The following SWT1 variants were observed in gnomAD, a reference collection of about 807,000 sequenced individuals.
The protein encoded by SWT1 is transcriptional protein SWT1.
A neutral mutation model predicts 107.3 loss-of-function variants in SWT1; 33 were observed. That is an observed-to-expected ratio of 0.31 (90% CI 0.23 to 0.41). The LOEUF (loss-of-function observed/expected upper bound fraction) is 0.41, where lower values mean the gene tolerates loss of function less well. SWT1 is among the 10% of genes least tolerant of loss of function. The probability of loss-of-function intolerance (pLI) is 1.00; values close to 1 mark genes in which losing one functional copy is unlikely to be tolerated. For synonymous variants in SWT1, 345 were observed against 348.3 expected, an observed-to-expected ratio of 0.99 and a Z score of 0.11; for missense variants, 898 against 1,028.9, an observed-to-expected ratio of 0.87 and a Z score of 1.74.
chr1:185,253,596 A>C (rs1337252608), intron 16 of SWT1, among the ~76,000 whole-genome samples: 1 of 151,280 alleles, frequency 6.6e-6, no homozygotes, highest in Non-Finnish European at 1.5e-5. Context: ...TTGTTGGTGT[A>C]TAAGAATGCT....
At position 185,230,454 on chromosome 1, in the gene SWT1, C is replaced by G. The variant is rs572259124; in HGVS notation, c.2310-1123C>G. On this transcript the variant is annotated intron_variant, in intron 15 of 18. Transcript: ENST00000367500. ...CCCTGCCTTGTAGATGTATCACTCCCATCTCTGCCTTTTTCTTCACATGGA... is the reference window on the plus strand; with the variant it reads ...CCCTGCCTTGTAGATGTATCACTCCGATCTCTGCCTTTTTCTTCACATGGA... 2.0e-5 allele frequency among the ~76,000 whole-genome samples: 3 copies of G among 152,196 alleles called. No individual in the cohort carries two copies. The South Asian group carries it at 6.2e-4, about 32-fold the overall frequency.
At chr1:185,206,371 TGATTA>T (rs758910996) in intron 12 of SWT1, among the ~76,000 whole-genome samples, 1 of 152,210 alleles carries the variant, frequency 6.6e-6, no homozygotes, top group Non-Finnish European at 1.5e-5. Context: ...ATGTTTCCTC[TGATTA>T]GATGTATGTT....
chr1:185,245,553 C>T (rs1661547643), intron 16 of SWT1, among the ~76,000 whole-genome samples: 1 of 151,924 alleles, frequency 6.6e-6, no homozygotes, highest in African/African-American at 2.4e-5. Flanking sequence ...AGAAAAGAAC[C>T]AGTAACATAG....
intron 4 of SWT1, among the ~76,000 whole-genome samples, chr1:185,169,757 A>G (rs1420098320): frequency 1.3e-5 from 2 of 151,928 alleles, no homozygotes; most frequent in Admixed American, 6.6e-5. Flanking sequence ...CAGAACTTAA[A>G]TGCTAACTTC....
chr1:185,223,905 T>C (rs1007386383), intron 15 of SWT1, among the ~76,000 whole-genome samples: 1 of 152,150 alleles, frequency 6.6e-6, no homozygotes, highest in Non-Finnish European at 1.5e-5. Context: ...CGGTATTTGG[T>C]TTTTTGTTCC....
chr1:185,246,010 T>A (rs1218782751), intron 16 of SWT1, among the ~76,000 whole-genome samples: 1 of 152,028 alleles, frequency 6.6e-6, no homozygotes, highest in Non-Finnish European at 1.5e-5. Flanking sequence ...TCAGGTGATC[T>A]GCCCACCTCG....
In SWT1 at chr1:185,182,050, C is replaced by T; in HGVS notation, c.1131C>T (p.Ser377=). ...TTGACTTAGAAGATGATGTACATTCCTCCTCTGGTATACCCTATATGTTGA... is the reference window on the plus strand; with the variant it reads ...TTGACTTAGAAGATGATGTACATTCTTCCTCTGGTATACCCTATATGTTGA... The part of the protein sequence containing the change: ...MEIDLEDDVH[S]SSANNTSDRK... The change falls in exon 7 of 19, where the codon TCC becomes TCT. Residue 377 remains serine, a synonymous_variant. Transcript: ENST00000367500. 2 of 1,613,646 alleles carry T rather than the reference C, an allele frequency of 1.2e-6. No individual in the cohort carries two copies. The highest frequency in any genetic ancestry group is 1.1e-5 in the South Asian group (1 of 91,066).
intron 12 of SWT1, among the ~76,000 whole-genome samples, chr1:185,205,620 C>T (rs1185357558): frequency 6.6e-6 from 1 of 152,186 alleles, no homozygotes; most frequent in African/African-American, 2.4e-5. Context: ...CCTTCTGTCT[C>T]AGCCTCCCAT....
At chr1:185,201,003 G>A (rs1020917373) in intron 10 of SWT1, among the ~76,000 whole-genome samples, 6 of 152,128 alleles carry the variant, frequency 3.9e-5, no homozygotes, top group African/African-American at 7.2e-5. Context: ...GGGGCGCTGC[G>A]GTGGGCTTTG....
intron 4 of SWT1, chr1:185,171,630 G>A (rs547201482): frequency 3.9e-4 from 208 of 527,830 alleles, no homozygotes; most frequent in Non-Finnish European, 6.6e-4. Context: ...TCTATGGGGT[G>A]GGTGCAATCA....
intron 14 of SWT1, among the ~76,000 whole-genome samples, chr1:185,220,531 T>G (rs1659577812): frequency 6.6e-6 from 1 of 152,160 alleles, no homozygotes; most frequent in Non-Finnish European, 1.5e-5. Flanking sequence ...TTTTCCCCCT[T>G]CAGTTTGTCT....
chr1:185,242,565 A>C (rs1385251125), intron 16 of SWT1, among the ~76,000 whole-genome samples: 2 of 152,170 alleles, frequency 1.3e-5, no homozygotes, highest in East Asian at 1.9e-4. Context: ...GAGTGGACTT[A>C]GGTGTTAGTG....
chr1:185,276,739 G>T, intron 18 of SWT1, 71 bp downstream of exon 18: 2 of 708,674 alleles, frequency 2.8e-6, no homozygotes, highest in Non-Finnish European at 4.5e-6. Context: ...ACTTGGTGGT[G>T]GTGGTGGTGG....
intron 16 of SWT1, among the ~76,000 whole-genome samples, chr1:185,246,014 C>A (rs1661581080): frequency 6.6e-6 from 1 of 152,060 alleles, no homozygotes; most frequent in Non-Finnish European, 1.5e-5. Flanking sequence ...GTGATCTGCC[C>A]ACCTCGGCCT....
chr1:185,187,729 G>C (rs1656615933), intron 9 of SWT1, among the ~76,000 whole-genome samples: 2 of 152,066 alleles, frequency 1.3e-5, no homozygotes, highest in Non-Finnish European at 2.9e-5. Flanking sequence ...TTGTTGCCCA[G>C]GCTGGAGTGC....
intron 15 of SWT1, among the ~76,000 whole-genome samples, chr1:185,226,464 G>A (rs1660062964): frequency 6.6e-6 from 1 of 152,098 alleles, no homozygotes; most frequent in Non-Finnish European, 1.5e-5. Context: ...GGCTGGGCAT[G>A]GTGGGTCATG....
intron 13 of SWT1, among the ~76,000 whole-genome samples, chr1:185,211,958 A>T (rs1571516819): frequency 6.6e-6 from 1 of 152,180 alleles, no homozygotes; most frequent in Non-Finnish European, 1.5e-5. Flanking sequence ...TCGCAAGGAC[A>T]AAAAACCAAA....
At chr1:185,202,954 G>T (rs1345038092) in intron 11 of SWT1, among the ~76,000 whole-genome samples, 155 bp downstream of exon 11, 1 of 152,154 alleles carries the variant, frequency 6.6e-6, no homozygotes, top group Non-Finnish European at 1.5e-5. Context: ...ATAAATGGAA[G>T]TTATGATGGT....
At chr1:185,161,411 GA>G (rs1253370892) in intron 2 of SWT1, among the ~76,000 whole-genome samples, 1 of 152,092 alleles carries the variant, frequency 6.6e-6, no homozygotes, top group Non-Finnish European at 1.5e-5. Flanking sequence ...ACTACCTTAA[GA>G]AGTGTTTTGG....
Sources: gnomAD v4.1 joint callset for allele counts (sites outside exome capture counted in the v4.1 genomes callset) on GRCh38, gnomAD v4.1.1 for gene constraint, MANE v1.5 for transcripts, NCBI Gene and HGNC (gene_info 2026-07-23, HGNC 2026-07-21) for gene names.